The following CCDC102B variants were observed in gnomAD, a reference collection of about 807,000 sequenced individuals.
CCDC102B encodes the protein coiled-coil domain-containing protein 102B.
A neutral mutation model predicts 57.4 loss-of-function variants in CCDC102B; 75 were observed. The ratio of observed to expected loss-of-function variants is 1.31; its 90% CI spans 1.08 to 1.58. CCDC102B has a LOEUF of 1.58. Ranked by LOEUF, CCDC102B falls within the 40% of genes most tolerant of loss-of-function variation. The pLI, the probability that CCDC102B is intolerant of heterozygous loss-of-function variation, is 0.00. For missense variants in CCDC102B, 636 were observed against 582.6 expected (o/e 1.09, Z -0.94); for synonymous variants, 206 against 201.9 (o/e 1.02, Z -0.17).
intron 6 of CCDC102B, among the ~76,000 whole-genome samples, chr18:68,998,290 GACACATATATAC>G (rs1452088586): frequency 1.4e-5 from 2 of 147,304 alleles, no homozygotes; most frequent in Non-Finnish European, 3.0e-5. Context: ...ATTACATATA[GACACATATATAC>G]ACACATATAT....
intron 5 of CCDC102B, among the ~76,000 whole-genome samples, chr18:68,895,591 T>G (rs2040214618): frequency 6.6e-6 from 1 of 151,742 alleles, no homozygotes; most frequent in South Asian, 2.1e-4. Flanking sequence ...ATTTTTATCC[T>G]TTTGAGATAT....
intron 6 of CCDC102B, among the ~76,000 whole-genome samples, chr18:68,948,865 T>C (rs2049613920): frequency 6.6e-6 from 1 of 152,136 alleles, no homozygotes; most frequent in Non-Finnish European, 1.5e-5. Flanking sequence ...TGCTAGGTGA[T>C]GATAAGCTAG....
chr18:68,961,443 T>G (rs939890446), intron 6 of CCDC102B, among the ~76,000 whole-genome samples: 7 of 152,128 alleles, frequency 4.6e-5, no homozygotes, highest in Admixed American at 4.6e-4. Flanking sequence ...AATGTTCACA[T>G]TCTTTTGGTA....
chr18:68,997,986 C>T (rs963357268), intron 6 of CCDC102B, among the ~76,000 whole-genome samples: 15 of 151,928 alleles, frequency 9.9e-5, no homozygotes, highest in African/African-American at 1.2e-4. Flanking sequence ...CTAGCTTTTC[C>T]GTCAGATTGA....
intron 2 of CCDC102B, among the ~76,000 whole-genome samples, chr18:68,784,984 C>G (rs1196744041): frequency 3.3e-5 from 4 of 122,032 alleles, no homozygotes; most frequent in Non-Finnish European, 5.0e-5. Flanking sequence ...CCCCTCCCCC[C>G]ACCCCACAAC....
chr18:68,998,323 CTCTATATACATACA>C (rs1312806554), intron 6 of CCDC102B, among the ~76,000 whole-genome samples: 1 of 33,866 alleles, frequency 3.0e-5, no homozygotes, highest in Non-Finnish European at 2.7e-4. Context: ...ACACATGTGT[CTCTATATACATACA>C]TCTACATACA....
In CCDC102B at chr18:69,011,091, A is replaced by C. The variant is rs2051502918; in HGVS notation, c.1421A>C (p.Gln474Pro). The C allele has an allele frequency of 1.9e-6, 3 of 1,613,192 alleles. No individual in the cohort carries two copies. The highest frequency in any genetic ancestry group is 2.5e-6 in the Non-Finnish European group (3 of 1,179,688). The change falls in exon 7 of 8, where the codon CAA (glutamine) becomes CCA (proline). Residue 474 changes from glutamine to proline, a missense_variant. Coordinates refer to ENST00000360242, the MANE Select transcript of CCDC102B (RefSeq NM_024781.3). ...GAAGAACTAAAGCAGGGACTCAATC[A>C]AAAAGAAGATGAGGTACTACTTTAT... ...RVEELKQGLNQKEDELDDSLN... is the reference protein window; with the variant it reads ...RVEELKQGLNPKEDELDDSLN...
rs1369740902 is a variant in CCDC102B, at chr18:69,054,159, A to G, written c.*22A>G. ...GTAATTTTTTCACAAAATATGCTGA[A>G]TTAAAGATTAGGGCCTTAAAGACAT... On this transcript the variant is annotated 3_prime_UTR_variant, in exon 8 of 8. Coordinates refer to ENST00000360242, the MANE Select transcript of CCDC102B (RefSeq NM_024781.3). The G allele has an allele frequency of 6.3e-7, 1 of 1,577,922 alleles. No homozygotes were observed. The highest frequency in any genetic ancestry group is 8.6e-7 in the Non-Finnish European group (1 of 1,167,514).
chr18:68,724,997 A>T (rs989390189), intron 2 of CCDC102B, among the ~76,000 whole-genome samples: 1 of 152,200 alleles, frequency 6.6e-6, no homozygotes, highest in African/African-American at 2.4e-5. Flanking sequence ...AGCTGGGAAG[A>T]CCGCAGGAAA....
chr18:68,964,869 C>T (rs1226571250), intron 6 of CCDC102B, among the ~76,000 whole-genome samples: 2 of 151,898 alleles, frequency 1.3e-5, no homozygotes, highest in Admixed American at 1.3e-4. Context: ...TCTGAACTGA[C>T]ATTTTTTTCC....
chr18:68,810,122 T>C (rs537286963), intron 1 of CCDC102B, among the ~76,000 whole-genome samples: 1 of 152,302 alleles, frequency 6.6e-6, no homozygotes, highest in South Asian at 2.1e-4. Context: ...TTTGAAAGTG[T>C]TAATCTTTAA....
chr18:69,057,381 C>G (rs950276054), downstream of CCDC102B, among the ~76,000 whole-genome samples: 63 of 152,158 alleles, frequency 4.1e-4, no homozygotes, highest in African/African-American at 1.5e-3. Flanking sequence ...CTGCATTTTA[C>G]TAGGAGATCT....
At chr18:69,001,153 T>A (rs1178546526) in intron 6 of CCDC102B, among the ~76,000 whole-genome samples, 2 of 152,134 alleles carry the variant, frequency 1.3e-5, no homozygotes, top group African/African-American at 4.8e-5. Context: ...TCTCAATCAT[T>A]CCTCTTCATA....
chr18:68,989,866 G>A (rs1243911792), intron 6 of CCDC102B, among the ~76,000 whole-genome samples: 2 of 152,120 alleles, frequency 1.3e-5, no homozygotes, highest in African/African-American at 4.8e-5. Flanking sequence ...TAACCGCTCC[G>A]CTATCAGCTC....
At chr18:68,815,773 G>A (rs1010133772) in intron 1 of CCDC102B, among the ~76,000 whole-genome samples, 4 of 151,596 alleles carry the variant, frequency 2.6e-5, no homozygotes, top group African/African-American at 9.7e-5. Context: ...GATATAAGAT[G>A]TATGTATTTT....
intron 4 of CCDC102B, among the ~76,000 whole-genome samples, chr18:68,872,549 T>C (rs2039280344): frequency 6.6e-6 from 1 of 152,086 alleles, no homozygotes; most frequent in African/African-American, 2.4e-5. Flanking sequence ...CAGTAGTTGT[T>C]TTTTAACTAA....
At chr18:69,006,578 C>CACAGGGCTT (rs1248187081) in intron 6 of CCDC102B, among the ~76,000 whole-genome samples, 14 of 146,604 alleles carry the variant, frequency 9.5e-5, no homozygotes, top group African/African-American at 3.3e-4. Flanking sequence ...CATGCCACCA[C>CACAGGGCTT]ACAGGGCTTT....
chr18:68,772,208 C>G (rs2034662640), intron 2 of CCDC102B, among the ~76,000 whole-genome samples: 2 of 152,036 alleles, frequency 1.3e-5, no homozygotes, highest in Non-Finnish European at 2.9e-5. Context: ...GAGCCTTGTA[C>G]AAAATCTAGT....
intron 1 of CCDC102B, among the ~76,000 whole-genome samples, chr18:68,830,303 A>C (rs1346126915): frequency 6.6e-6 from 1 of 151,998 alleles, no homozygotes; most frequent in Non-Finnish European, 1.5e-5. Flanking sequence ...CACCATGTCT[A>C]TTAGCCACCT....
Sources: gnomAD v4.1 joint callset for allele counts (sites outside exome capture counted in the v4.1 genomes callset) on GRCh38, gnomAD v4.1.1 for gene constraint, MANE v1.5 for transcripts, NCBI Gene and HGNC (gene_info 2026-07-23, HGNC 2026-07-21) for gene names.